RAB2A: variants seen among roughly 807,000 people sequenced by gnomAD.
RAB2A encodes RAB2A, member RAS oncogene family.
In RAB2A, 7 loss-of-function variants were observed where a neutral mutation model predicts 32.5. The ratio of observed to expected loss-of-function variants is 0.22; its 90% CI spans 0.12 to 0.40. The LOEUF is 0.40. RAB2A is among the 10% of genes least tolerant of loss of function. The pLI is 1.00. For synonymous variants in RAB2A, 79 were observed against 85.2 expected, an observed-to-expected ratio of 0.93 and a Z score of 0.40; for missense variants, 108 against 260.7, an observed-to-expected ratio of 0.41 and a Z score of 4.03.
In RAB2A at chr8:60,585,840, A is replaced by G. The variant is rs1803836762; in HGVS notation, c.362+1025A>G. Among the ~76,000 whole-genome samples, 2 of 152,234 alleles carry G rather than the reference A, an allele frequency of 1.3e-5. 1 individual carries two copies. Among genetic ancestry groups the G allele is most frequent in the South Asian group, 4.1e-4 (2 of 4,830 alleles). ...GAAATGAATTTACAAGATGGATGCA[A>G]AACTGAACAGTATTCACAGGGTATT... On this transcript the variant is annotated intron_variant, in intron 5 of 7. Transcript: ENST00000262646.
intron 1 of RAB2A, among the ~76,000 whole-genome samples, chr8:60,544,068 A>C (rs1281962794): frequency 5.3e-5 from 8 of 151,736 alleles, no homozygotes; most frequent in African/African-American, 1.9e-4. Flanking sequence ...TCTCAAAAAA[A>C]AAAAAAAAAA....
At chr8:60,576,221 T>A (rs1803623984) in intron 3 of RAB2A, 1 of 456,320 alleles carries the variant, frequency 2.2e-6, no homozygotes, top group Non-Finnish European at 4.4e-6. Flanking sequence ...CTGTAAATAT[T>A]CTTTTCTGCC....
chr8:60,580,287 G>A (rs1287756197), intron 3 of RAB2A, among the ~76,000 whole-genome samples: 7 of 152,154 alleles, frequency 4.6e-5, no homozygotes, highest in African/African-American at 1.7e-4. Flanking sequence ...GAGCCACTGC[G>A]ACCAGCCTAA....
intron 1 of RAB2A, among the ~76,000 whole-genome samples, chr8:60,542,264 C>T (rs1225659846): frequency 6.6e-6 from 1 of 152,106 alleles, no homozygotes; most frequent in Non-Finnish European, 1.5e-5. Context: ...GCCTGTAATC[C>T]CAGCACTTTG....
intron 6 of RAB2A, among the ~76,000 whole-genome samples, chr8:60,616,096 T>C (rs1804443217): frequency 6.6e-6 from 1 of 152,150 alleles, no homozygotes; most frequent in Non-Finnish European, 1.5e-5. Context: ...ATTGCATGCC[T>C]TTCAGATAAA....
intron 6 of RAB2A, among the ~76,000 whole-genome samples, chr8:60,605,415 C>T (rs1412410110): frequency 1.3e-5 from 2 of 152,210 alleles, no homozygotes; most frequent in Non-Finnish European, 2.9e-5. Context: ...TGGGGCACCA[C>T]CTAGTGCAGC....
intron 1 of RAB2A, among the ~76,000 whole-genome samples, chr8:60,537,893 T>A (rs1203560777): frequency 6.6e-6 from 1 of 152,078 alleles, no homozygotes; most frequent in African/African-American, 2.4e-5. Flanking sequence ...TGGCCCCAAC[T>A]GGTGTCAAAC....
intron 7 of RAB2A, among the ~76,000 whole-genome samples, chr8:60,620,109 T>C (rs550236694): frequency 1.3e-5 from 2 of 152,354 alleles, no homozygotes; most frequent in Admixed American, 1.3e-4. Context: ...AGTGTTGTAT[T>C]TTTAGGTAAA....
chr8:60,542,872 T>C (rs1807668781), intron 1 of RAB2A, among the ~76,000 whole-genome samples: 1 of 152,232 alleles, frequency 6.6e-6, no homozygotes, highest in African/African-American at 2.4e-5. Context: ...CACATCCTCT[T>C]GGGAACTTTA....
chr8:60,606,987 G>C (rs1164336612), intron 6 of RAB2A, among the ~76,000 whole-genome samples: 1 of 151,582 alleles, frequency 6.6e-6, no homozygotes, highest in Non-Finnish European at 1.5e-5. Flanking sequence ...TGATGTCTGT[G>C]TTATTTTGCT....
chr8:60,557,797 CCT>C (rs1287391743), intron 1 of RAB2A, among the ~76,000 whole-genome samples: 19 of 152,076 alleles, frequency 1.2e-4, no homozygotes, highest in African/African-American at 4.6e-4. Context: ...GTCTTGAACT[CCT>C]GGGCTCAAGG....
At chr8:60,617,362 C>G (rs1463998430) in intron 6 of RAB2A, among the ~76,000 whole-genome samples, 2 of 151,986 alleles carry the variant, frequency 1.3e-5, no homozygotes, top group Admixed American at 6.6e-5. Flanking sequence ...CTTTCTTAAA[C>G]TATATACTAA....
intron 5 of RAB2A, chr8:60,591,635 C>A: frequency 2.7e-6 from 1 of 375,234 alleles, no homozygotes; most frequent in Non-Finnish European, 4.9e-6. Context: ...CGTTCTAAAG[C>A]TCTAACACAG....
chr8:60,594,928 G>A (rs1803999546), intron 6 of RAB2A, among the ~76,000 whole-genome samples: 1 of 152,118 alleles, frequency 6.6e-6, no homozygotes, highest in African/African-American at 2.4e-5. Flanking sequence ...TGTGAATACT[G>A]CCACAATAAA....
intron 1 of RAB2A, among the ~76,000 whole-genome samples, chr8:60,554,819 CT>C (rs1263034464): frequency 5.3e-5 from 8 of 151,906 alleles, no homozygotes; most frequent in Non-Finnish European, 1.0e-4. Context: ...CGCCACTGCA[CT>C]CCAGCCTGGG....
chr8:60,589,786 T>G (rs979156872), intron 5 of RAB2A, among the ~76,000 whole-genome samples: 1 of 152,172 alleles, frequency 6.6e-6, no homozygotes, highest in Non-Finnish European at 1.5e-5. Flanking sequence ...TTTGAGTTTT[T>G]TGATTTGACC....
chr8:60,578,901 A>G (rs1803687077), intron 3 of RAB2A, among the ~76,000 whole-genome samples: 1 of 152,184 alleles, frequency 6.6e-6, no homozygotes, highest in East Asian at 1.9e-4. Flanking sequence ...AAGGTGTAAG[A>G]CTTCTTTTGC....
In RAB2A at chr8:60,520,913, C is replaced by T. The variant is rs919882005; in HGVS notation, c.46+3660C>T. ...CTCACTACAGCTTCAGTCTCCTGGG[C>T]CTAAGCAATCCTCCCACCTAAGTCT... is the stretch of plus-strand genomic sequence containing the variant. On this transcript the variant is annotated intron_variant, in intron 1 of 7. Coordinates refer to ENST00000262646, the MANE Select transcript of RAB2A (RefSeq NM_002865.3). Among the ~76,000 whole-genome samples, 3 of 152,118 alleles carry T rather than the reference C, an allele frequency of 2.0e-5. No individual in the cohort carries two copies. In the East Asian group the frequency reaches 5.8e-4, roughly 29 times the overall value.
At position 60,575,627 on chromosome 8, in the gene RAB2A, T is replaced by C. The variant is rs190193389; in HGVS notation, c.186+3514T>C. ...TTATCAGCCTTATAGAAATGAAGAG[T>C]TTTCTTAGTATCTTAGGATATTTGT... On this transcript the variant is annotated intron_variant, in intron 3 of 7. Coordinates refer to ENST00000262646, the MANE Select transcript of RAB2A (RefSeq NM_002865.3). Among the ~76,000 whole-genome samples, 170 of 151,198 alleles carry C rather than the reference T, an allele frequency of 1.1e-3. 2 individuals are homozygous for C. Among genetic ancestry groups the C allele is most frequent in the Middle Eastern group, 6.8e-3 (2 of 292 alleles).
Sources: gnomAD v4.1 joint callset for allele counts (sites outside exome capture counted in the v4.1 genomes callset) on GRCh38, gnomAD v4.1.1 for gene constraint, MANE v1.5 for transcripts, NCBI Gene and HGNC (gene_info 2026-07-23, HGNC 2026-07-21) for gene names.